The following GALNT13 variants were observed in gnomAD, a reference collection of about 807,000 sequenced individuals.
GALNT13 encodes UDP-GalNAc:polypeptide N-acetylgalactosaminyltransferase 13.
Under a neutral mutation model 64.2 loss-of-function variants are expected in GALNT13, and 28 were observed. The observed-to-expected ratio is 0.44, with a 90% CI of 0.32 to 0.60. The LOEUF (loss-of-function observed/expected upper bound fraction) is 0.60. Ranked by LOEUF, GALNT13 falls within the 20% of genes least tolerant of loss-of-function variation. The pLI is 0.05. For synonymous variants in GALNT13, 214 were observed against 224.6 expected (o/e 0.95, Z 0.42); for missense variants, 577 against 669.8 (o/e 0.86, Z 1.53).
chr2:154,424,414 T>C lies in GALNT13; in HGVS notation c.1396-14178T>C, dbSNP rs1339497367. On this transcript the variant is annotated intron_variant, in intron 11 of 12. Transcript: ENST00000392825. ...TGTATGTGCTATATCATATTTAATA[T>C]ACAGTATATTTTAAATGACCACTGT... is the stretch of plus-strand genomic sequence containing the variant. Among the ~76,000 whole-genome samples, 8 of 152,168 alleles carry C rather than the reference T, an allele frequency of 5.3e-5. No individual in the cohort carries two copies. In the East Asian group the frequency reaches 1.2e-3, roughly 22 times the overall value.
the GALNT13 span, among the ~76,000 whole-genome samples, chr2:153,716,536 T>A: frequency 6.6e-6 from 1 of 152,152 alleles, no homozygotes. Context: ...GACATTTCAT[T>A]CTGAAGTTCA....
At chr2:154,104,842 T>G (rs2105472426) in intron 3 of GALNT13, among the ~76,000 whole-genome samples, 1 of 152,234 alleles carries the variant, frequency 6.6e-6, no homozygotes, top group Non-Finnish European at 1.5e-5. Flanking sequence ...CCAGAATGGG[T>G]ACACAACCAG....
At chr2:154,008,490 G>A (rs1010174489) in intron 3 of GALNT13, among the ~76,000 whole-genome samples, 2 of 152,020 alleles carry the variant, frequency 1.3e-5, no homozygotes, top group African/African-American at 4.8e-5. Context: ...TAGGTAAATT[G>A]TGTGTTATGG....
chr2:153,767,319 A>T, the GALNT13 span, among the ~76,000 whole-genome samples: 1 of 152,130 alleles, frequency 6.6e-6, no homozygotes, highest in African/African-American at 2.4e-5. Flanking sequence ...TCCATGGTGT[A>T]TAGATACAAT....
the GALNT13 span, among the ~76,000 whole-genome samples, chr2:153,269,953 C>T: frequency 6.6e-6 from 1 of 152,114 alleles, no homozygotes; most frequent in African/African-American, 2.4e-5. Flanking sequence ...ACTCCCTTGA[C>T]ACATTGGGGA....
the GALNT13 span, among the ~76,000 whole-genome samples, chr2:153,264,426 C>A: frequency 6.6e-6 from 1 of 152,312 alleles, no homozygotes; most frequent in South Asian, 2.1e-4. Flanking sequence ...ACCCAGCAAT[C>A]CCATTACTGG....
At chr2:153,778,913 T>C in the GALNT13 span, among the ~76,000 whole-genome samples, 1 of 152,162 alleles carries the variant, frequency 6.6e-6, no homozygotes, top group African/African-American at 2.4e-5. Context: ...AGTGAGAAGG[T>C]AGAAAAGCAG....
chr2:154,118,196 A>G (rs1681712042), intron 3 of GALNT13, among the ~76,000 whole-genome samples: 1 of 149,404 alleles, frequency 6.7e-6, no homozygotes, highest in Admixed American at 6.6e-5. Context: ...AGCTTTTCCA[A>G]TTTTGGGTGC....
intron 8 of GALNT13, among the ~76,000 whole-genome samples, chr2:154,268,407 T>C (rs989083176): frequency 6.6e-6 from 1 of 152,126 alleles, no homozygotes; most frequent in African/African-American, 2.4e-5. Context: ...GACATGAGAT[T>C]GAGGTGGCAG....
chr2:153,412,465 C>T, the GALNT13 span, among the ~76,000 whole-genome samples: 1 of 152,098 alleles, frequency 6.6e-6, no homozygotes, highest in Non-Finnish European at 1.5e-5. Context: ...CTGTTTTGTT[C>T]CAAGAAGCAG....
At chr2:153,338,288 G>C in the GALNT13 span, among the ~76,000 whole-genome samples, 1 of 151,672 alleles carries the variant, frequency 6.6e-6, no homozygotes, top group Admixed American at 6.6e-5. Flanking sequence ...GCAAGACCCT[G>C]TTTCTAAACA....
the GALNT13 span, among the ~76,000 whole-genome samples, chr2:153,184,837 CTT>C: frequency 1.3e-5 from 2 of 152,140 alleles, no homozygotes; most frequent in Admixed American, 1.3e-4. Context: ...TGGATAAACT[CTT>C]TGATGTGCTG....
the GALNT13 span, among the ~76,000 whole-genome samples, chr2:153,832,030 A>AT: frequency 3.9e-5 from 6 of 152,208 alleles, no homozygotes; most frequent in Non-Finnish European, 7.4e-5. Context: ...TAAGTAATTA[A>AT]TTTTTTCTGA....
chr2:153,814,712 G>A, the GALNT13 span, among the ~76,000 whole-genome samples: 1 of 152,064 alleles, frequency 6.6e-6, no homozygotes, highest in Non-Finnish European at 1.5e-5. Flanking sequence ...GCCAATCAAT[G>A]CTCCTGATTG....
chr2:153,226,118 G>T, the GALNT13 span, among the ~76,000 whole-genome samples: 1 of 151,978 alleles, frequency 6.6e-6, no homozygotes, highest in Non-Finnish European at 1.5e-5. Flanking sequence ...TGTAATAGTA[G>T]AGATGGGGTT....
the GALNT13 span, among the ~76,000 whole-genome samples, chr2:153,632,426 C>G: frequency 6.6e-6 from 1 of 151,986 alleles, no homozygotes; most frequent in African/African-American, 2.4e-5. Flanking sequence ...TTGGCCTGTA[C>G]CAAATGCAAA....
chr2:154,179,357 T>C (rs1685831335), intron 4 of GALNT13, among the ~76,000 whole-genome samples: 1 of 152,176 alleles, frequency 6.6e-6, no homozygotes, highest in South Asian at 2.1e-4. Context: ...AGTGAATGAA[T>C]CTGCATGTGA....
intron 4 of GALNT13, among the ~76,000 whole-genome samples, chr2:154,166,275 T>G (rs1685017735): frequency 6.6e-6 from 1 of 152,108 alleles, no homozygotes; most frequent in African/African-American, 2.4e-5. Flanking sequence ...TGTGGTGGCA[T>G]GTGCCTGTAA....
In GALNT13 at chr2:154,451,947, G is replaced by C. The variant is rs1701887064; in HGVS notation, c.*1396G>C. ...TTTGGTCCTCATCTTTACTTAAAAA[G>C]CTCTTATAGAAAGGATTAATCATTT... On this transcript the variant is annotated 3_prime_UTR_variant, in exon 13 of 13. Transcript: ENST00000392825. 1 of 152,052 alleles carries C rather than the reference G, an allele frequency of 6.6e-6. No individual in the cohort carries two copies. Among genetic ancestry groups the C allele is most frequent in the South Asian group, 2.1e-4 (1 of 4,826 alleles). The allele number at this position is 152,052 out of a possible 1,614,324, so 9.4% of individuals were successfully genotyped here. A position where few individuals can be genotyped will look rare whatever the true frequency, so the allele number is the denominator to read the frequency against.
Sources: allele counts gnomAD v4.1 joint callset (sites outside exome capture counted in the v4.1 genomes callset), GRCh38; gene constraint gnomAD v4.1.1; transcripts MANE v1.5; gene names NCBI Gene and HGNC (gene_info 2026-07-23, HGNC 2026-07-21).